ARPC4: variants seen among roughly 807,000 people sequenced by gnomAD.
The protein encoded by ARPC4 is actin-related protein 2/3 complex subunit 4.
ARPC4 carries 3 observed loss-of-function variants against 22.8 expected under a neutral mutation model. The ratio of observed to expected loss-of-function variants is 0.13; its 90% CI spans 0.06 to 0.34. The LOEUF (loss-of-function observed/expected upper bound fraction) is 0.34. ARPC4 is among the 10% of genes least tolerant of loss of function. The pLI is 1.00. For synonymous variants in ARPC4, 80 were observed against 72.5 expected (o/e 1.10, Z -0.52); for missense variants, 98 against 211.0 (o/e 0.46, Z 3.32).
intron 2 of ARPC4, among the ~76,000 whole-genome samples, chr3:9,798,716 A>G (rs2078947117): frequency 1.3e-5 from 2 of 152,008 alleles, no homozygotes; most frequent in African/African-American, 4.8e-5. Context: ...TCTACTAAAA[A>G]TACAAAAATA....
intron 4 of ARPC4, chr3:9,803,448 C>T (rs2079053583): frequency 6.6e-6 from 3 of 457,708 alleles, no homozygotes; most frequent in Non-Finnish European, 1.3e-5. Context: ...CTTCCTCCCA[C>T]AGCCCTCCAG....
At chr3:9,805,178 A>G (rs1407001988) in intron 5 of ARPC4, among the ~76,000 whole-genome samples, 1 of 152,208 alleles carries the variant, frequency 6.6e-6, no homozygotes, top group African/African-American at 2.4e-5. Context: ...TCACTCAACA[A>G]TCATTTACTT....
intron 5 of ARPC4, 68 bp downstream of exon 5, chr3:9,804,081 A>G: frequency 1.3e-6 from 2 of 1,565,386 alleles, no homozygotes; most frequent in East Asian, 4.5e-5. Flanking sequence ...AGAACTTAGC[A>G]TCTGGTGGGA....
At chr3:9,797,847 C>A in intron 2 of ARPC4, 70 bp downstream of exon 2, 4 of 1,484,874 alleles carry the variant, frequency 2.7e-6, no homozygotes, top group Admixed American at 1.9e-5. Flanking sequence ...CTAGAAGGTG[C>A]CATGAACTTA....
At chr3:9,792,901 T>C (rs761800591), upstream of ARPC4, 66 of 1,397,664 alleles carry the variant, frequency 4.7e-5, no homozygotes, top group Non-Finnish European at 5.8e-5. Flanking sequence ...GGAGCTTAAA[T>C]AGTGACTCGA....
chr3:9,792,878 A>T (rs202011720), upstream of ARPC4: 1 of 1,385,790 alleles, frequency 7.2e-7, no homozygotes, highest in African/African-American at 1.5e-5. Flanking sequence ...GGGAAGCTGC[A>T]CCCATTCCTG....
In ARPC4 at chr3:9,804,001, G is replaced by A; in HGVS notation, c.489G>A (p.Glu163=). ...CCCGTGCCCGCATTGTGGCTGAAGA[G>A]TTCCTTAAGAATGTGAGTAGGGGCC... ...VNARARIVAE[E]FLKNF Residue 163 remains glutamate (E), a synonymous_variant, in exon 5 of 6, where the codon GAG becomes GAA. Transcript: ENST00000397261. 3 of 1,614,148 alleles carry A rather than the reference G, an allele frequency of 1.9e-6. No individual in the cohort carries two copies. The highest frequency in any genetic ancestry group is 1.1e-5 in the South Asian group (1 of 91,090).
rs143649201 is a variant in ARPC4 at position 9,798,247 on chromosome 3, C to T, written c.122+470C>T. The T allele has an allele frequency of 6.1e-3, 921 of 151,822 alleles. 7 individuals carry two copies. The highest frequency in any genetic ancestry group is 8.9e-3 in the Non-Finnish European group (612 of 68,986). 9.4% of individuals were successfully genotyped at this position (151,822 alleles called of 1,614,324 possible). The stretch of plus-strand genomic sequence containing the variant: ...TACTTCATATTTTGAATGATTTTCT[C>T]TTATCTAGTTTCCATTTCATAAATA... On this transcript the variant is annotated intron_variant, in intron 2 of 5. Coordinates refer to ENST00000397261, the MANE Select transcript of ARPC4 (RefSeq NM_005718.5).
intron 2 of ARPC4, among the ~76,000 whole-genome samples, chr3:9,799,010 G>A (rs1366081624): frequency 1.3e-5 from 2 of 152,180 alleles, no homozygotes; most frequent in African/African-American, 4.8e-5. Flanking sequence ...GTTAGGATAT[G>A]CCCTGTTATA....
chr3:9,800,523 C>T (rs144087026), intron 3 of ARPC4, among the ~76,000 whole-genome samples: 1 of 152,134 alleles, frequency 6.6e-6, no homozygotes, highest in Non-Finnish European at 1.5e-5. Flanking sequence ...CTCCCGGGTT[C>T]AAGCAGTTCT....
chr3:9,800,381 T>A, intron 3 of ARPC4, 85 bp downstream of exon 3: 2 of 1,298,014 alleles, frequency 1.5e-6, no homozygotes, highest in Non-Finnish European at 2.2e-6. Context: ...ATCTGAGAGA[T>A]CAGTGTGCCA....
chr3:9,801,126 G>A (rs559900550), intron 3 of ARPC4, among the ~76,000 whole-genome samples: 7 of 141,052 alleles, frequency 5.0e-5, no homozygotes, highest in African/African-American at 1.8e-4. Flanking sequence ...CAGGAGAATC[G>A]CTTGAACCCG....
chr3:9,805,499 G>A (rs964336041), intron 5 of ARPC4, among the ~76,000 whole-genome samples: 9 of 152,232 alleles, frequency 5.9e-5, no homozygotes, highest in African/African-American at 1.9e-4. Flanking sequence ...GGCAGGGTGA[G>A]GAGCTGCTGA....
intron 1 of ARPC4, among the ~76,000 whole-genome samples, chr3:9,796,708 A>G (rs546523545): frequency 8.1e-4 from 123 of 152,200 alleles, no homozygotes; most frequent in African/African-American, 2.3e-3. Flanking sequence ...TTGGGAGGCC[A>G]AGGCGGGCAG....
At chr3:9,804,891 G>C (rs1243128189) in intron 5 of ARPC4, among the ~76,000 whole-genome samples, 1 of 152,222 alleles carries the variant, frequency 6.6e-6, no homozygotes, top group Non-Finnish European at 1.5e-5. Flanking sequence ...CAACCCACCT[G>C]TGTGGGAATC....
intron 1 of ARPC4, among the ~76,000 whole-genome samples, chr3:9,796,721 T>G (rs141308666): frequency 6.6e-6 from 1 of 151,952 alleles, no homozygotes; most frequent in Non-Finnish European, 1.5e-5. Flanking sequence ...GCGGGCAGAT[T>G]ACAAGGTCAG....
chr3:9,794,822 G>A (rs1011686101), intron 1 of ARPC4, among the ~76,000 whole-genome samples: 2 of 152,008 alleles, frequency 1.3e-5, no homozygotes, highest in Non-Finnish European at 2.9e-5. Context: ...TTTCCCCCCT[G>A]TAGTTTTGCC....
chr3:9,794,697 AAGTTG>A (rs1345550570), intron 1 of ARPC4, among the ~76,000 whole-genome samples: 1 of 151,912 alleles, frequency 6.6e-6, no homozygotes, highest in Non-Finnish European at 1.5e-5. Flanking sequence ...AAAAAAAGTC[AAGTTG>A]TGTAACCACT....
At position 9,806,728 on chromosome 3, in the gene ARPC4, G is replaced by A. The variant is rs962959228; in HGVS notation, c.*513G>A. The A allele has an allele frequency of 1.8e-5, 3 of 164,094 alleles. No homozygotes were observed. The highest frequency in any genetic ancestry group is 7.2e-5 in the African/African-American group (3 of 41,520). The allele number at this position is 164,094 out of a possible 1,614,324, so 10.2% of individuals were successfully genotyped here. ...TTATTCCCAAGCCTCCTTGGCCCCA[G>A]TATAAGTGTTGGGAACTCTCTGCCA... On this transcript the variant is annotated 3_prime_UTR_variant, in exon 6 of 6. Transcript: ENST00000397261.
Sources: allele counts gnomAD v4.1 joint callset (sites outside exome capture counted in the v4.1 genomes callset), GRCh38; gene constraint gnomAD v4.1.1; transcripts MANE v1.5; gene names NCBI Gene and HGNC (gene_info 2026-07-23, HGNC 2026-07-21).